NLGN4X: variants seen among roughly 807,000 people sequenced by gnomAD.
NLGN4X encodes neuroligin 4 X-linked.
Under a neutral mutation model 40.3 loss-of-function variants are expected in NLGN4X, and 3 were observed. The observed-to-expected ratio is 0.07, with a 90% confidence interval of 0.03 to 0.19. NLGN4X has a LOEUF of 0.19. Among genes scored for constraint, NLGN4X ranks in the 10% least tolerant of loss-of-function variants. NLGN4X has a pLI of 1.00. For synonymous variants in NLGN4X, 270 were observed against 306.8 expected, an observed-to-expected ratio of 0.88 and a Z score of 1.25; for missense variants, 382 against 708.3, an observed-to-expected ratio of 0.54 and a Z score of 5.23.
chrX:6,041,040 G>A (rs1246930114), intron 2 of NLGN4X, among the ~76,000 whole-genome samples: 2 of 111,362 alleles, frequency 1.8e-5, no homozygotes, highest in East Asian at 5.7e-4. Flanking sequence ...TTCCGGATGT[G>A]GGGGGTGACA....
chrX:6,175,997 T>G (rs2040726275), intron 1 of NLGN4X, among the ~76,000 whole-genome samples: 2 of 111,394 alleles, frequency 1.8e-5, no homozygotes, highest in African/African-American at 6.5e-5. Flanking sequence ...CATTAAAATT[T>G]TAGGGAGTAA....
At chrX:5,947,467 A>G in intron 3 of NLGN4X, among the ~76,000 whole-genome samples, 1 of 112,150 alleles carries the variant, frequency 8.9e-6, no homozygotes, top group South Asian at 3.7e-4. Context: ...AAGTGGAGTC[A>G]GGTATTTTGT....
intron 2 of NLGN4X, among the ~76,000 whole-genome samples, chrX:6,143,582 A>G (rs1199765561): frequency 8.9e-6 from 1 of 112,696 alleles, no homozygotes; most frequent in Non-Finnish European, 1.9e-5. Flanking sequence ...TCCTGAAAAA[A>G]TTCTAAATGA....
At chrX:6,043,342 T>C (rs1397358716) in intron 2 of NLGN4X, among the ~76,000 whole-genome samples, 1 of 111,105 alleles carries the variant, frequency 9.0e-6, no homozygotes, top group Non-Finnish European at 1.9e-5. Flanking sequence ...TGTGTATATA[T>C]ACATACACAC....
chrX:6,134,639 T>C (rs1170263185), intron 2 of NLGN4X, among the ~76,000 whole-genome samples: 1 of 112,648 alleles, frequency 8.9e-6, no homozygotes, highest in African/African-American at 3.2e-5. Flanking sequence ...ATAAACTACA[T>C]GTTTGCTAAT....
chrX:6,020,088 A>G (rs749655635), intron 3 of NLGN4X, among the ~76,000 whole-genome samples: 1 of 111,840 alleles, frequency 8.9e-6, no homozygotes, highest in South Asian at 3.7e-4. Flanking sequence ...CAGATGCCAG[A>G]TGATAATTTT....
intron 2 of NLGN4X, among the ~76,000 whole-genome samples, chrX:6,095,995 A>T (rs1485871447): frequency 1.8e-5 from 2 of 112,527 alleles, no homozygotes; most frequent in Non-Finnish European, 3.7e-5. Flanking sequence ...GAAATATTCT[A>T]CAGCATGAAG....
At chrX:6,046,836 G>A (rs890724582) in intron 2 of NLGN4X, among the ~76,000 whole-genome samples, 110 of 90,673 alleles carry the variant, frequency 1.2e-3, no homozygotes, top group Non-Finnish European at 2.1e-3. Flanking sequence ...ACAATCATTT[G>A]TATATATTAT....
chrX:5,959,606 C>T (rs1008211933), intron 3 of NLGN4X, among the ~76,000 whole-genome samples: 1 of 111,470 alleles, frequency 9.0e-6, no homozygotes, highest in Non-Finnish European at 1.9e-5. Context: ...ACAATTTTAT[C>T]CTCCTCAAAC....
chrX:6,081,498 T>C (rs1002503015), intron 2 of NLGN4X, among the ~76,000 whole-genome samples: 5 of 112,319 alleles, frequency 4.5e-5, no homozygotes, highest in African/African-American at 1.6e-4. Context: ...TCACTCCTGG[T>C]AAAGGCAAAG....
At chrX:6,046,700 A>T (rs2037326555) in intron 2 of NLGN4X, among the ~76,000 whole-genome samples, 1 of 110,239 alleles carries the variant, frequency 9.1e-6, no homozygotes, top group African/African-American at 3.3e-5. Flanking sequence ...TTACAATGGT[A>T]TTCTTTAAAT....
intron 1 of NLGN4X, among the ~76,000 whole-genome samples, chrX:6,152,648 C>T (rs1270278847): frequency 8.9e-6 from 1 of 112,007 alleles, no homozygotes; most frequent in African/African-American, 3.2e-5. Flanking sequence ...TGGTCAAGTG[C>T]ATATATATTT....
At chrX:6,023,653 G>A (rs745607285) in intron 3 of NLGN4X, among the ~76,000 whole-genome samples, 45 of 111,683 alleles carry the variant, frequency 4.0e-4, no homozygotes, top group Non-Finnish European at 4.3e-4. Context: ...CTCTTCCAAG[G>A]GAGTTTACGA....
At chrX:6,121,327 AG>A (rs987017512) in intron 2 of NLGN4X, among the ~76,000 whole-genome samples, 4 of 108,442 alleles carry the variant, frequency 3.7e-5, no homozygotes, top group Non-Finnish European at 7.7e-5. Context: ...ACAAAAAAAA[AG>A]CGTTCTAGGT....
rs1213658812 is a variant in NLGN4X at position 5,941,852 on chromosome X, C to T, written c.626-32613G>A. 2.7e-5 allele frequency among the ~76,000 whole-genome samples: 3 copies of T among 112,112 alleles called. No individual in the cohort carries two copies. In the Admixed American group the frequency reaches 2.8e-4, roughly 11 times the overall value. ...AAATATTAAAATAACAACTGCCATA[C>T]AAGTAGAGTGGGTTGATTTCAAGGA... On this transcript the variant is annotated intron_variant, in intron 3 of 5. Coordinates refer to ENST00000381095, the MANE Select transcript of NLGN4X (RefSeq NM_181332.3).
intron 3 of NLGN4X, among the ~76,000 whole-genome samples, chrX:5,990,719 G>C (rs1005572604): frequency 9.0e-6 from 1 of 111,573 alleles, no homozygotes; most frequent in Non-Finnish European, 1.9e-5. Context: ...TGATCAAGTT[G>C]GATGAAACAG....
chrX:6,130,438 T>C (rs1303795409), intron 2 of NLGN4X, among the ~76,000 whole-genome samples: 1 of 112,222 alleles, frequency 8.9e-6, no homozygotes, highest in Non-Finnish European at 1.9e-5. Flanking sequence ...CAACCTTTCC[T>C]TTTTAAGACT....
At chrX:6,099,475 CTCTT>C (rs1296804675) in intron 2 of NLGN4X, among the ~76,000 whole-genome samples, 1 of 112,285 alleles carries the variant, frequency 8.9e-6, no homozygotes, top group African/African-American at 3.2e-5. Context: ...TCTGATCTCT[CTCTT>C]TGACAGCAGA....
At chrX:6,002,716 G>T (rs922307228) in intron 3 of NLGN4X, among the ~76,000 whole-genome samples, 1 of 111,430 alleles carries the variant, frequency 9.0e-6, no homozygotes, top group African/African-American at 3.3e-5. Flanking sequence ...TTACATTCCT[G>T]TTTTCCCACT....
Sources: gnomAD v4.1 joint callset for allele counts (sites outside exome capture counted in the v4.1 genomes callset) on GRCh38, gnomAD v4.1.1 for gene constraint, MANE v1.5 for transcripts, NCBI Gene and HGNC (gene_info 2026-07-23, HGNC 2026-07-21) for gene names.